ADGRB3: variants seen among roughly 807,000 people sequenced by gnomAD.
ADGRB3 encodes adhesion G protein-coupled receptor B3.
In ADGRB3, 37 loss-of-function variants were observed where a neutral mutation model predicts 193.4. That is an observed-to-expected ratio of 0.19 (90% CI 0.15 to 0.25). The LOEUF (loss-of-function observed/expected upper bound fraction) is 0.25. Ranked by LOEUF, ADGRB3 falls within the 10% of genes least tolerant of loss-of-function variation. The pLI is 1.00. For missense variants in ADGRB3, 1,637 were observed against 1,852.9 expected, an observed-to-expected ratio of 0.88 and a Z score of 2.14; for synonymous variants, 690 against 644.2, an observed-to-expected ratio of 1.07 and a Z score of -1.08.
chr6:69,068,603 T>C (rs778919853), intron 16 of ADGRB3, among the ~76,000 whole-genome samples: 8 of 152,138 alleles, frequency 5.3e-5, no homozygotes, highest in Non-Finnish European at 1.0e-4. Flanking sequence ...TGTAAAAACG[T>C]CCTGATGATG....
intron 20 of ADGRB3, among the ~76,000 whole-genome samples, chr6:69,291,030 T>A (rs537746141): frequency 1.3e-4 from 20 of 152,292 alleles, no homozygotes; most frequent in African/African-American, 4.8e-4. Context: ...GTTCAACCAT[T>A]AAGATCAGCA....
chr6:69,226,260 C>T (rs1858395), intron 17 of ADGRB3, among the ~76,000 whole-genome samples: 33,406 of 152,128 alleles, frequency 0.22, 3,968 homozygotes, highest in Middle Eastern at 0.29. Flanking sequence ...ACACAATAAC[C>T]TAGCACAGCA....
chr6:69,307,047 T>C (rs972604533), intron 20 of ADGRB3, among the ~76,000 whole-genome samples: 6 of 151,432 alleles, frequency 4.0e-5, no homozygotes, highest in African/African-American at 1.5e-4. Context: ...CAATACGTTA[T>C]AGTAGCTTCA....
At chr6:69,302,901 T>C (rs1767977161) in intron 20 of ADGRB3, among the ~76,000 whole-genome samples, 1 of 151,918 alleles carries the variant, frequency 6.6e-6, no homozygotes, top group Admixed American at 6.6e-5. Context: ...AGAGACTGGA[T>C]GTGGCAAAAC....
chr6:69,264,101 T>C lies in ADGRB3; in HGVS notation c.2814+24875T>C, dbSNP rs57311998. ...TGCTGTCCTTATTCACTCCTTATCC[T>C]CATTTTTTACCAAATCAAAGATAGA... On this transcript the variant is annotated intron_variant, in intron 20 of 31. Coordinates refer to ENST00000370598, the MANE Select transcript of ADGRB3 (RefSeq NM_001704.3). Among the ~76,000 whole-genome samples, 478 of 152,092 alleles carry C rather than the reference T, an allele frequency of 3.1e-3. 1 individual carries two copies. Among genetic ancestry groups the C allele is most frequent in the African/African-American group, 0.011 (452 of 41,554 alleles).
chr6:69,226,344 T>G (rs1211100825), intron 17 of ADGRB3, among the ~76,000 whole-genome samples: 1 of 152,208 alleles, frequency 6.6e-6, no homozygotes, highest in Non-Finnish European at 1.5e-5. Context: ...AAACTCCAAC[T>G]ATATCAAATC....
chr6:68,974,118 C>A (rs1011098187), intron 8 of ADGRB3, among the ~76,000 whole-genome samples: 4 of 151,808 alleles, frequency 2.6e-5, no homozygotes, highest in Non-Finnish European at 2.9e-5. Context: ...TTTTAATGTG[C>A]CTTTTTGTTT....
chr6:68,789,056 G>A lies in ADGRB3; in HGVS notation c.758-141503G>A, dbSNP rs368224501. ...TTTGAGCCTATGTGTGTCTCTGCACGTGAGATGGGTTTCCTGAATACAGCA... is the reference window on the plus strand; with the variant it reads ...TTTGAGCCTATGTGTGTCTCTGCACATGAGATGGGTTTCCTGAATACAGCA... On this transcript the variant is annotated intron_variant, in intron 3 of 31. Transcript: ENST00000370598. Among the ~76,000 whole-genome samples, 36 of 150,944 alleles carry A rather than the reference G, an allele frequency of 2.4e-4. No individual in the cohort carries two copies. The South Asian group carries it at 6.8e-3, about 28-fold the overall frequency.
At chr6:68,814,211 G>T in intron 3 of ADGRB3, among the ~76,000 whole-genome samples, 1 of 152,026 alleles carries the variant, frequency 6.6e-6, no homozygotes, top group Non-Finnish European at 1.5e-5. Context: ...CATCCTCTCC[G>T]GCACCTGTTG....
chr6:69,350,958 G>A (rs909835850), intron 26 of ADGRB3, among the ~76,000 whole-genome samples: 1 of 151,976 alleles, frequency 6.6e-6, no homozygotes, highest in African/African-American at 2.4e-5. Flanking sequence ...GCGTTTTCCA[G>A]ATACCATCTT....
chr6:69,194,366 T>C (rs561928951), intron 17 of ADGRB3, among the ~76,000 whole-genome samples: 1 of 152,238 alleles, frequency 6.6e-6, no homozygotes, highest in South Asian at 2.1e-4. Context: ...ATACAATTGC[T>C]GAGACAGCTT....
chr6:69,266,995 G>T (rs1767059113), intron 20 of ADGRB3, among the ~76,000 whole-genome samples: 1 of 152,026 alleles, frequency 6.6e-6, no homozygotes, highest in South Asian at 2.1e-4. Context: ...AGGTCGTGAT[G>T]CCCTTTGTGC....
chr6:69,302,637 A>T (rs1056355468), intron 20 of ADGRB3, among the ~76,000 whole-genome samples: 1 of 151,956 alleles, frequency 6.6e-6, no homozygotes, highest in Non-Finnish European at 1.5e-5. Flanking sequence ...TATGGAAAGG[A>T]TTTCAACATT....
chr6:69,180,265 G>A (rs1775543720), intron 17 of ADGRB3, among the ~76,000 whole-genome samples: 1 of 152,146 alleles, frequency 6.6e-6, no homozygotes, highest in African/African-American at 2.4e-5. Flanking sequence ...GGGTGGCTCA[G>A]ACTATCAGTT....
intron 17 of ADGRB3, among the ~76,000 whole-genome samples, chr6:69,173,869 GACT>G (rs1394693578): frequency 6.6e-6 from 1 of 152,202 alleles, no homozygotes; most frequent in African/African-American, 2.4e-5. Flanking sequence ...AGCGTTTTAT[GACT>G]GGGTAGGAAA....
At chr6:68,902,966 A>G (rs971581423) in intron 3 of ADGRB3, among the ~76,000 whole-genome samples, 3 of 152,168 alleles carry the variant, frequency 2.0e-5, no homozygotes, top group Non-Finnish European at 4.4e-5. Context: ...ACAAATATCA[A>G]TCCACCTGTT....
intron 17 of ADGRB3, among the ~76,000 whole-genome samples, chr6:69,097,667 T>C (rs1346250837): frequency 6.6e-6 from 1 of 151,702 alleles, no homozygotes; most frequent in African/African-American, 2.4e-5. Context: ...TACATATATG[T>C]ATGTCTCTGT....
At chr6:69,292,256 AT>A (rs566303189) in intron 20 of ADGRB3, among the ~76,000 whole-genome samples, 18 of 151,774 alleles carry the variant, frequency 1.2e-4, no homozygotes, top group South Asian at 4.2e-4. Flanking sequence ...ATAGAAAGAT[AT>A]TTTTTTTTCT....
intron 17 of ADGRB3, among the ~76,000 whole-genome samples, chr6:69,141,068 G>A (rs556696092): frequency 9.4e-5 from 14 of 148,262 alleles, no homozygotes; most frequent in African/African-American, 3.4e-4. Context: ...GAAAAAAAAT[G>A]AAGTGAAAGA....
Sources: gnomAD v4.1 joint callset for allele counts (sites outside exome capture counted in the v4.1 genomes callset) on GRCh38, gnomAD v4.1.1 for gene constraint, MANE v1.5 for transcripts, NCBI Gene and HGNC (gene_info 2026-07-23, HGNC 2026-07-21) for gene names.